Variants in DGLUCY observed in about 807,000 individuals in gnomAD.
The protein encoded by DGLUCY is D-glutamate cyclase, mitochondrial.
Under a neutral mutation model 58.5 loss-of-function variants are expected in DGLUCY, and 58 were observed. The observed-to-expected ratio is 0.99, with a 90% CI of 0.80 to 1.23. DGLUCY has a LOEUF of 1.23. Ranked by LOEUF, DGLUCY falls within the 50% of genes most tolerant of loss-of-function variation. The pLI, the probability that DGLUCY is intolerant of heterozygous loss-of-function variation, is 0.00. For missense variants in DGLUCY, 779 were observed against 784.7 expected (o/e 0.99, Z 0.09); for synonymous variants, 325 against 314.1 (o/e 1.03, Z -0.37).
chr14:91,104,731 C>T (rs116013406), upstream of DGLUCY, among the ~76,000 whole-genome samples: 273 of 152,296 alleles, frequency 1.8e-3, 2 homozygotes, highest in African/African-American at 6.3e-3. Context: ...TTTCTCTTTC[C>T]TTTGTCTTCC....
intron 1 of DGLUCY, among the ~76,000 whole-genome samples, chr14:91,108,974 T>C (rs2044648807): frequency 6.6e-6 from 1 of 151,890 alleles, no homozygotes; most frequent in South Asian, 2.1e-4. Flanking sequence ...CCCAGGCCCA[T>C]GGTATAGGAA....
At chr14:91,176,829 T>A (rs4904758) in intron 7 of DGLUCY, among the ~76,000 whole-genome samples, 38,723 of 152,168 alleles carry the variant, frequency 0.25, 5,763 homozygotes, top group Non-Finnish European at 0.33. Context: ...CTTGAACTCC[T>A]GGCCTCAAGT....
chr14:91,172,720 C>T (rs767648438), intron 5 of DGLUCY, among the ~76,000 whole-genome samples: 11 of 151,734 alleles, frequency 7.2e-5, no homozygotes, highest in Non-Finnish European at 1.5e-4. Context: ...GATTTCGGCT[C>T]ACTGCAATCT....
At chr14:91,094,823 CAA>C (rs751631848) in intron 1 of DGLUCY, among the ~76,000 whole-genome samples, 7 of 130,800 alleles carry the variant, frequency 5.4e-5, no homozygotes, top group South Asian at 2.4e-4. Flanking sequence ...AACTCTCTCT[CAA>C]AAAAAAAAAA....
At position 91,200,508 on chromosome 14, in the gene DGLUCY, T is replaced by C. The variant is rs11850376; in HGVS notation, c.1444+603T>C. Among the ~76,000 whole-genome samples the C allele has an allele frequency of 3.8e-3, 577 of 152,344 alleles. 3 individuals carry two copies. Among genetic ancestry groups the C allele is most frequent in the African/African-American group, 0.013 (526 of 41,586 alleles). ...GGCATGGCATATTATTTTGGTCATA[T>C]AGGACAGAATGTACCATATATTATT... On this transcript the variant is annotated intron_variant, in intron 11 of 13. Coordinates refer to ENST00000256324, the MANE Select transcript of DGLUCY (RefSeq NM_001102368.3).
At chr14:91,188,880 T>C in intron 8 of DGLUCY, 30 bp from the exon 9 acceptor site, 4 of 1,582,536 alleles carry the variant, frequency 2.5e-6, no homozygotes, top group Non-Finnish European at 3.4e-6. Flanking sequence ...AAAATATAGT[T>C]ACTTTTACAT....
At chr14:91,195,525 A>T (rs1171448959) in intron 9 of DGLUCY, among the ~76,000 whole-genome samples, 1 of 152,020 alleles carries the variant, frequency 6.6e-6, no homozygotes, top group African/African-American at 2.4e-5. Flanking sequence ...GTATGCAGGG[A>T]GGTAGGGAGT....
chr14:91,101,675 AT>A (rs1415001621), intron 1 of DGLUCY, among the ~76,000 whole-genome samples: 1 of 152,214 alleles, frequency 6.6e-6, no homozygotes, highest in African/African-American at 2.4e-5. Context: ...TATTTGATAG[AT>A]CAATGGGGTA....
chr14:91,193,963 C>T (rs1166676323), intron 9 of DGLUCY, among the ~76,000 whole-genome samples: 1 of 152,108 alleles, frequency 6.6e-6, no homozygotes, highest in African/African-American at 2.4e-5. Flanking sequence ...CCTCATCTTG[C>T]CCAGACCCTC....
chr14:91,083,565 C>T lies in DGLUCY; in HGVS notation c.-82+22861C>T, dbSNP rs533781683. ...ACAGAGAGAACGATCCGTAAAAGAGCGAGTCTCCACGCCTGACCCAGATGT... is the reference window on the plus strand; with the variant it reads ...ACAGAGAGAACGATCCGTAAAAGAGTGAGTCTCCACGCCTGACCCAGATGT... On this transcript the variant is annotated intron_variant, in intron 1 of 4. Transcript: ENST00000521334. 1.6e-3 allele frequency among the ~76,000 whole-genome samples: 247 copies of T among 150,988 alleles called. 2 individuals are homozygous for T. Among genetic ancestry groups the T allele is most frequent in the African/African-American group, 5.8e-3 (240 of 41,094 alleles).
At chr14:91,069,175 T>C (rs9989214) in intron 1 of DGLUCY, among the ~76,000 whole-genome samples, 44,533 of 152,140 alleles carry the variant, frequency 0.29, 6,598 homozygotes, top group Middle Eastern at 0.32. Flanking sequence ...GTCCTAATCA[T>C]TCTTTCTAAC....
chr14:91,190,692 C>G (rs969813200), intron 9 of DGLUCY, among the ~76,000 whole-genome samples: 7 of 151,972 alleles, frequency 4.6e-5, no homozygotes, highest in African/African-American at 1.7e-4. Context: ...TGCTGGCTGA[C>G]TGGCCTGGAG....
chr14:91,199,016 T>C (rs1201781415), intron 10 of DGLUCY, among the ~76,000 whole-genome samples: 1 of 152,200 alleles, frequency 6.6e-6, no homozygotes, highest in Non-Finnish European at 1.5e-5. Flanking sequence ...GACTCACTCC[T>C]TTTGTATTTT....
chr14:91,074,118 T>TACACACACACACACACACACAC (rs3086753), intron 1 of DGLUCY, among the ~76,000 whole-genome samples: 30 of 70,326 alleles, frequency 4.3e-4, no homozygotes, highest in Non-Finnish European at 5.3e-4. Flanking sequence ...TATATATATA[T>TACACACACACACACACACACAC]ACACACACAC....
intron 1 of DGLUCY, among the ~76,000 whole-genome samples, chr14:91,143,814 A>G (rs1444648554): frequency 6.6e-6 from 1 of 152,218 alleles, no homozygotes; most frequent in African/African-American, 2.4e-5. Flanking sequence ...TTAATCTTCC[A>G]ATAACCCAGA....
chr14:91,191,209 A>G (rs1307025313), intron 9 of DGLUCY, among the ~76,000 whole-genome samples: 5 of 152,166 alleles, frequency 3.3e-5, no homozygotes, highest in Admixed American at 2.6e-4. Flanking sequence ...TAAGCCAGTC[A>G]TATTGTATGA....
Position 91,167,221 on chromosome 14 carries a change from C to G in DGLUCY, c.104-4C>G. On this transcript the variant is annotated splice_region_variant and splice_polypyrimidine_tract_variant and intron_variant, in intron 3 of 13. Coordinates refer to ENST00000256324, the MANE Select transcript of DGLUCY (RefSeq NM_001102368.3). Reference sequence around the variant, plus strand: ...ACATTTTTCCCTTCTCCCACCATACCCAGAGCTCCGACCAGCCAGCCTGGT... The same window carrying G: ...ACATTTTTCCCTTCTCCCACCATACGCAGAGCTCCGACCAGCCAGCCTGGT... 6.3e-7 allele frequency: 1 copy of G among 1,581,498 alleles called. No individual in the cohort carries two copies.
chr14:91,157,571 A>G (rs896072090), intron 1 of DGLUCY, 68 bp from the exon 2 acceptor site: 1 of 152,102 alleles, frequency 6.6e-6, no homozygotes, highest in Non-Finnish European at 1.5e-5. Context: ...GGTAGTTGCT[A>G]TCATTTACTG....
At chr14:91,139,717 C>T (rs182652524) in intron 1 of DGLUCY, among the ~76,000 whole-genome samples, 5 of 152,296 alleles carry the variant, frequency 3.3e-5, no homozygotes, top group Non-Finnish European at 7.3e-5. Flanking sequence ...AATGTCTGTG[C>T]ACCCTGTGAT....
Sources: gnomAD v4.1 joint callset for allele counts (sites outside exome capture counted in the v4.1 genomes callset) on GRCh38, gnomAD v4.1.1 for gene constraint, MANE v1.5 for transcripts, NCBI Gene and HGNC (gene_info 2026-07-23, HGNC 2026-07-21) for gene names.